WDR70: variants seen among roughly 807,000 people sequenced by gnomAD.
WDR70 encodes the protein WD repeat domain 70.
WDR70 carries 53 observed loss-of-function variants against 88.6 expected under a neutral mutation model. The ratio of observed to expected loss-of-function variants is 0.60; its 90% confidence interval spans 0.48 to 0.75. The LOEUF is 0.75. Ranked by LOEUF, WDR70 falls within the 30% of genes least tolerant of loss-of-function variation. The pLI, the probability that WDR70 is intolerant of heterozygous loss-of-function variation, is 0.00. For synonymous variants in WDR70, 280 were observed against 270.0 expected, an observed-to-expected ratio of 1.04 and a Z score of -0.36; for missense variants, 610 against 823.2, an observed-to-expected ratio of 0.74 and a Z score of 3.17.
chr5:37,412,594 G>C (rs1749559522), intron 5 of WDR70, among the ~76,000 whole-genome samples: 1 of 152,022 alleles, frequency 6.6e-6, no homozygotes, highest in South Asian at 2.1e-4. Flanking sequence ...TGTAACTAAG[G>C]GCTGGATGTA....
At chr5:37,697,836 C>G in intron 11 of WDR70, 82 bp downstream of exon 11, 2 of 1,148,986 alleles carry the variant, frequency 1.7e-6, no homozygotes, top group Non-Finnish European at 2.5e-6. Flanking sequence ...TATCCTAGTG[C>G]TTAGTAAAGC....
Position 37,623,808 on chromosome 5 carries a change from C to T in WDR70, c.1092+18570C>T, listed in dbSNP as rs190778707. On this transcript the variant is annotated intron_variant, in intron 10 of 17. Coordinates refer to ENST00000265107, the MANE Select transcript of WDR70 (RefSeq NM_018034.4). The stretch of plus-strand genomic sequence containing the variant: ...AACTGTGTAAGTACACAGCACAGTC[C>T]CTGGTACTTTGTTGAAGGTCAATAA... Among the ~76,000 whole-genome samples the T allele has an allele frequency of 2.2e-3, 337 of 152,100 alleles. 1 individual carries two copies. The highest frequency in any genetic ancestry group is 7.9e-3 in the African/African-American group (328 of 41,506).
intron 13 of WDR70, among the ~76,000 whole-genome samples, chr5:37,705,880 A>T (rs1048305375): frequency 6.6e-6 from 1 of 152,078 alleles, no homozygotes; most frequent in African/African-American, 2.4e-5. Context: ...TCTATCCTAG[A>T]TGTGTTCATT....
chr5:37,536,788 T>C (rs1371527517), intron 9 of WDR70, among the ~76,000 whole-genome samples: 1 of 152,166 alleles, frequency 6.6e-6, no homozygotes, highest in Non-Finnish European at 1.5e-5. Context: ...AATTCTGCTC[T>C]ATTTAGGAAT....
chr5:37,622,334 C>T (rs1245773210), intron 10 of WDR70, among the ~76,000 whole-genome samples: 37 of 151,516 alleles, frequency 2.4e-4, no homozygotes, highest in Admixed American at 5.9e-4. Context: ...GTCAGTGTGG[C>T]GATTCCTCAG....
chr5:37,379,399 T>C lies in WDR70; in HGVS notation c.25+7T>C. 1 of 1,613,600 alleles carries C rather than the reference T, an allele frequency of 6.2e-7. No individual in the cohort carries two copies. Among genetic ancestry groups the C allele is most frequent in the Non-Finnish European group, 8.5e-7 (1 of 1,179,812 alleles). On this transcript the variant is annotated splice_region_variant and intron_variant, in intron 1 of 17. Coordinates refer to ENST00000265107, the MANE Select transcript of WDR70 (RefSeq NM_018034.4). Reference sequence around the variant, plus strand: ...CGCTCTGGGCCCAGCGAAGGTGGGTTTCATGAGGCGAGTCCGGGCGGGGTG... The same window carrying C: ...CGCTCTGGGCCCAGCGAAGGTGGGTCTCATGAGGCGAGTCCGGGCGGGGTG...
At chr5:37,510,357 G>C (rs1427110893) in intron 8 of WDR70, among the ~76,000 whole-genome samples, 1 of 152,024 alleles carries the variant, frequency 6.6e-6, no homozygotes, top group Non-Finnish European at 1.5e-5. Flanking sequence ...TTACATATAT[G>C]TGTGTTTAGT....
intron 10 of WDR70, among the ~76,000 whole-genome samples, chr5:37,609,089 A>C (rs1425695096): frequency 6.6e-6 from 1 of 152,222 alleles, no homozygotes; most frequent in African/African-American, 2.4e-5. Context: ...TAGTAGCATA[A>C]AAACACTATC....
intron 17 of WDR70, among the ~76,000 whole-genome samples, chr5:37,751,058 A>G (rs1410014025): frequency 6.6e-6 from 1 of 152,222 alleles, no homozygotes; most frequent in Admixed American, 6.5e-5. Flanking sequence ...TATCCTTGGA[A>G]GACCTTGTTC....
chr5:37,583,420 C>CA (rs142442041), intron 9 of WDR70, among the ~76,000 whole-genome samples: 11,257 of 59,110 alleles, frequency 0.19, 1,014 homozygotes, highest in Middle Eastern at 0.32. Flanking sequence ...GACTCTGTCT[C>CA]AAAAAAAAAA....
chr5:37,681,804 T>A (rs1217506047), intron 10 of WDR70, among the ~76,000 whole-genome samples: 1 of 152,198 alleles, frequency 6.6e-6, no homozygotes, highest in Non-Finnish European at 1.5e-5. Context: ...GATAAGCTTT[T>A]TGATATACTC....
At chr5:37,591,925 A>T (rs1038996487) in intron 9 of WDR70, among the ~76,000 whole-genome samples, 2 of 152,262 alleles carry the variant, frequency 1.3e-5, no homozygotes, top group African/African-American at 4.8e-5. Context: ...GAGAAAAGGT[A>T]TATCATCATC....
At chr5:37,654,396 G>A (rs1745493318) in intron 10 of WDR70, among the ~76,000 whole-genome samples, 1 of 152,252 alleles carries the variant, frequency 6.6e-6, no homozygotes, top group South Asian at 2.1e-4. Context: ...GTGCGATGGG[G>A]TGCTGAGAAG....
At position 37,566,688 on chromosome 5, in the gene WDR70, C is replaced by T. The variant is rs150164848; in HGVS notation, c.918-38376C>T. On this transcript the variant is annotated intron_variant, in intron 9 of 17. Coordinates refer to ENST00000265107, the MANE Select transcript of WDR70 (RefSeq NM_018034.4). Reference sequence around the variant, plus strand: ...ACTCTCAAGATCCTTGATAGCTGTGCTACTTGATTGTTTGAATGACTAGTG... The same window carrying T: ...ACTCTCAAGATCCTTGATAGCTGTGTTACTTGATTGTTTGAATGACTAGTG... Among the ~76,000 whole-genome samples the T allele has an allele frequency of 1.8e-4, 28 of 152,178 alleles. No individual in the cohort carries two copies. In the East Asian group the frequency reaches 4.2e-3, roughly 23 times the overall value.
At chr5:37,585,288 C>G (rs1474163595) in intron 9 of WDR70, among the ~76,000 whole-genome samples, 1 of 152,092 alleles carries the variant, frequency 6.6e-6, no homozygotes, top group Non-Finnish European at 1.5e-5. Flanking sequence ...CCGCGCCCAG[C>G]CTCCTTGTCC....
chr5:37,608,282 C>T (rs568089120), intron 10 of WDR70, among the ~76,000 whole-genome samples: 17 of 152,194 alleles, frequency 1.1e-4, no homozygotes, highest in African/African-American at 2.9e-4. Flanking sequence ...CCTCGTGATC[C>T]GCCCGCCTTG....
At position 37,389,846 on chromosome 5, in the gene WDR70, T is replaced by G. The variant is rs1235964931; in HGVS notation, c.176-2154T>G. ...AAGTCAACATGATCTAGCACTGTAA[T>G]ATTTGCCTTACCTCTTCCTGGAGGG... On this transcript the variant is annotated intron_variant, in intron 3 of 17. Coordinates refer to ENST00000265107, the MANE Select transcript of WDR70 (RefSeq NM_018034.4). Among the ~76,000 whole-genome samples, 3 of 152,196 alleles carry G rather than the reference T, an allele frequency of 2.0e-5. No homozygotes were observed. In the East Asian group the frequency reaches 5.8e-4, roughly 29 times the overall value.
At chr5:37,542,420 C>G (rs534186161) in intron 9 of WDR70, among the ~76,000 whole-genome samples, 5 of 151,896 alleles carry the variant, frequency 3.3e-5, no homozygotes, top group Admixed American at 1.3e-4. Context: ...GCTGGGATTA[C>G]AGGCATGCAC....
chr5:37,674,287 G>T (rs1159098029), intron 10 of WDR70, among the ~76,000 whole-genome samples: 1 of 151,764 alleles, frequency 6.6e-6, no homozygotes, highest in East Asian at 1.9e-4. Flanking sequence ...CAATGTGCAG[G>T]TTAGTTACAT....
Sources: gnomAD v4.1 joint callset for allele counts (sites outside exome capture counted in the v4.1 genomes callset) on GRCh38, gnomAD v4.1.1 for gene constraint, MANE v1.5 for transcripts, NCBI Gene and HGNC (gene_info 2026-07-23, HGNC 2026-07-21) for gene names.